FBXL20: variants seen among roughly 807,000 people sequenced by gnomAD.
FBXL20 encodes the protein F-box and leucine rich repeat protein 20.
In FBXL20, 11 loss-of-function variants were observed where a neutral mutation model predicts 64.0. That is an observed-to-expected ratio of 0.17 (90% CI 0.11 to 0.28). The LOEUF is 0.28. Among genes scored for constraint, FBXL20 ranks in the 10% least tolerant of loss-of-function variants. The pLI, the probability that FBXL20 is intolerant of heterozygous loss-of-function variation, is 1.00. For missense variants in FBXL20, 303 were observed against 526.2 expected, an observed-to-expected ratio of 0.58 and a Z score of 4.15; for synonymous variants, 184 against 189.0, an observed-to-expected ratio of 0.97 and a Z score of 0.22.
rs191899350 is a variant in FBXL20, at chr17:39,354,271, T to C, written c.43-11030A>G. Among the ~76,000 whole-genome samples the C allele has an allele frequency of 3.3e-3, 509 of 152,338 alleles. 4 individuals are homozygous for C. Among genetic ancestry groups the C allele is most frequent in the African/African-American group, 0.012 (498 of 41,572 alleles). On this transcript the variant is annotated intron_variant, in intron 1 of 14. Coordinates refer to ENST00000264658, the MANE Select transcript of FBXL20 (RefSeq NM_032875.3). ...TAAGATAGTATCCCTGAGGACCATTTGCTTCTCCTCAAACAAGCTCTTGCT... is the reference window on the plus strand; with the variant it reads ...TAAGATAGTATCCCTGAGGACCATTCGCTTCTCCTCAAACAAGCTCTTGCT...
At chr17:39,273,262 C>T (rs1443862390) in intron 10 of FBXL20, among the ~76,000 whole-genome samples, 6 of 152,020 alleles carry the variant, frequency 3.9e-5, no homozygotes, top group African/African-American at 7.2e-5. Flanking sequence ...ATGATCCGCC[C>T]GCCTCAGCCT....
At chr17:39,316,561 A>C (rs1034539720) in intron 2 of FBXL20, among the ~76,000 whole-genome samples, 1 of 152,220 alleles carries the variant, frequency 6.6e-6, no homozygotes, top group Non-Finnish European at 1.5e-5. Flanking sequence ...ACCAGCTTGA[A>C]GGGGCTTCCA....
At chr17:39,363,924 C>T (rs1235090151) in intron 1 of FBXL20, among the ~76,000 whole-genome samples, 1 of 123,132 alleles carries the variant, frequency 8.1e-6, no homozygotes, top group African/African-American at 3.1e-5. Flanking sequence ...AAGTCCCACT[C>T]GGTCGCCCAG....
At chr17:39,363,919 C>T (rs1477025583) in intron 1 of FBXL20, among the ~76,000 whole-genome samples, 2 of 139,422 alleles carry the variant, frequency 1.4e-5, no homozygotes, top group Admixed American at 7.1e-5. Flanking sequence ...AGACAAAGTC[C>T]CACTCGGTCG....
intron 1 of FBXL20, among the ~76,000 whole-genome samples, chr17:39,363,306 G>A (rs952789252): frequency 6.6e-6 from 1 of 151,646 alleles, no homozygotes; most frequent in African/African-American, 2.4e-5. Flanking sequence ...GAGCCACCGC[G>A]CTTGGCCAAA....
At chr17:39,401,704 G>C (rs1436282101), upstream of FBXL20, 2 of 1,159,142 alleles carry the variant, frequency 1.7e-6, no homozygotes, top group Non-Finnish European at 2.1e-6. Context: ...AGAGCCGCCC[G>C]GGCCTCGGAG....
At position 39,347,875 on chromosome 17, in the gene FBXL20, G is replaced by A. The variant is rs533228747; in HGVS notation, c.43-4634C>T. Among the ~76,000 whole-genome samples, 3 of 152,178 alleles carry A rather than the reference G, an allele frequency of 2.0e-5. No individual in the cohort carries two copies. The South Asian group carries it at 6.2e-4, about 32-fold the overall frequency. The stretch of plus-strand genomic sequence containing the variant: ...TCTTGAATTAATTTTTGTATAAGGT[G>A]TAAGGAAGGGATCCAGTTTCAGCTT... On this transcript the variant is annotated intron_variant, in intron 1 of 14. Transcript: ENST00000264658.
chr17:39,256,322 A>G lies in FBXL20; in HGVS notation c.*5138T>C, dbSNP rs1414957642. The G allele has an allele frequency of 8.7e-5, 1 of 11,520 alleles. No individual in the cohort carries two copies. Among genetic ancestry groups the G allele is most frequent in the African/African-American group, 1.6e-4 (1 of 6,316 alleles). The allele number at this position is 11,520 out of a possible 1,614,324, so 0.7% of individuals were successfully genotyped here. ...GGTGACAGAGCGAGACTCCATGTCA[A>G]AAAAAAAAAAAAAAAAAAGAAATAT... is the stretch of plus-strand genomic sequence containing the variant. On this transcript the variant is annotated 3_prime_UTR_variant, in exon 15 of 15. Coordinates refer to ENST00000264658, the MANE Select transcript of FBXL20 (RefSeq NM_032875.3).
At chr17:39,290,829 T>C (rs147818490) in intron 6 of FBXL20, among the ~76,000 whole-genome samples, 37 of 152,192 alleles carry the variant, frequency 2.4e-4, no homozygotes, top group African/African-American at 7.7e-4. Flanking sequence ...TCCCAAAGTG[T>C]TGGGATTACA....
chr17:39,319,484 AG>A (rs1169114827), intron 2 of FBXL20, among the ~76,000 whole-genome samples: 9 of 152,068 alleles, frequency 5.9e-5, no homozygotes, highest in African/African-American at 1.9e-4. Flanking sequence ...CAGGAGTTTG[AG>A]GCCAGCCTCG....
At chr17:39,381,649 G>A (rs560307924) in intron 1 of FBXL20, among the ~76,000 whole-genome samples, 1 of 152,068 alleles carries the variant, frequency 6.6e-6, no homozygotes, top group South Asian at 2.1e-4. Context: ...AAATCAGCTG[G>A]GTATGGTGGT....
chr17:39,269,521 A>G (rs1362102972), intron 11 of FBXL20, among the ~76,000 whole-genome samples: 3 of 108,328 alleles, frequency 2.8e-5, no homozygotes, highest in African/African-American at 7.5e-5. Flanking sequence ...TTTTTTTGAG[A>G]CAGAGTTTCG....
chr17:39,382,301 G>A (rs946848671), intron 1 of FBXL20, among the ~76,000 whole-genome samples: 4 of 151,598 alleles, frequency 2.6e-5, no homozygotes, highest in African/African-American at 9.7e-5. Flanking sequence ...AAATTAGCCA[G>A]GCATGGTGGC....
intron 1 of FBXL20, among the ~76,000 whole-genome samples, chr17:39,361,356 A>C (rs2047791845): frequency 6.6e-6 from 1 of 152,174 alleles, no homozygotes; most frequent in Non-Finnish European, 1.5e-5. Flanking sequence ...TAAACTAACT[A>C]TGATAAAGTA....
intron 2 of FBXL20, among the ~76,000 whole-genome samples, chr17:39,328,322 G>C (rs1597800248): frequency 6.6e-6 from 1 of 150,480 alleles, no homozygotes; most frequent in South Asian, 2.1e-4. Context: ...AAAATACAAG[G>C]GCTCCTTGGA....
At chr17:39,285,289 C>A (rs749564786) in intron 7 of FBXL20, among the ~76,000 whole-genome samples, 189 bp downstream of exon 7, 2 of 151,916 alleles carry the variant, frequency 1.3e-5, no homozygotes, top group Non-Finnish European at 2.9e-5. Context: ...TCCTAGTTAC[C>A]TCTAGTCATT....
At chr17:39,369,564 G>A (rs934682473) in intron 1 of FBXL20, among the ~76,000 whole-genome samples, 1 of 152,016 alleles carries the variant, frequency 6.6e-6, no homozygotes, top group African/African-American at 2.4e-5. Context: ...TGCTGGCCAG[G>A]CTGGTCTCAA....
chr17:39,262,917 G>C (rs376160716), intron 14 of FBXL20, among the ~76,000 whole-genome samples: 10 of 152,114 alleles, frequency 6.6e-5, no homozygotes, highest in Admixed American at 2.6e-4. Context: ...CAGGAGAATA[G>C]CGTGAACCTG....
chr17:39,341,718 AGGTGAACTGGCTT>A (rs2047584694), intron 2 of FBXL20, among the ~76,000 whole-genome samples: 1 of 152,238 alleles, frequency 6.6e-6, no homozygotes, highest in Non-Finnish European at 1.5e-5. Flanking sequence ...AAGATCACTT[AGGTGAACTGGCTT>A]GGTATCTTGT....
Sources: gnomAD v4.1 joint callset for allele counts (sites outside exome capture counted in the v4.1 genomes callset) on GRCh38, gnomAD v4.1.1 for gene constraint, MANE v1.5 for transcripts, NCBI Gene and HGNC (gene_info 2026-07-23, HGNC 2026-07-21) for gene names.